Variants in ZBTB16 observed in about 807,000 individuals in gnomAD.
ZBTB16 encodes the protein zinc finger and BTB domain containing 16, also known as zinc finger and BTB domain-containing protein 16.
Under a neutral mutation model 56.8 loss-of-function variants are expected in ZBTB16, and 8 were observed. That is an observed-to-expected ratio of 0.14 (90% confidence interval 0.08 to 0.25). The LOEUF (loss-of-function observed/expected upper bound fraction) is 0.25, where lower values mean the gene tolerates loss of function less well. Ranked by LOEUF, ZBTB16 falls within the 10% of genes least tolerant of loss-of-function variation. ZBTB16 has a pLI of 1.00. For synonymous variants in ZBTB16, 363 were observed against 368.5 expected (o/e 0.98, Z 0.17); for missense variants, 625 against 903.0 (o/e 0.69, Z 3.95).
chr11:114,088,529 A>G (rs1940052678), intron 2 of ZBTB16, among the ~76,000 whole-genome samples: 1 of 152,104 alleles, frequency 6.6e-6, no homozygotes, highest in South Asian at 2.1e-4. Context: ...CTATTCAGTT[A>G]TACAGCCCCG....
At chr11:114,111,860 T>C (rs139315683) in intron 2 of ZBTB16, among the ~76,000 whole-genome samples, 68 of 152,348 alleles carry the variant, frequency 4.5e-4, no homozygotes, top group African/African-American at 1.6e-3. Context: ...TTATTTATCT[T>C]GAATGTTTTT....
At chr11:114,093,337 T>G (rs1239255468) in intron 2 of ZBTB16, among the ~76,000 whole-genome samples, 1 of 151,104 alleles carries the variant, frequency 6.6e-6, no homozygotes, top group Non-Finnish European at 1.5e-5. Flanking sequence ...GCTGGGGGTG[T>G]GGAGGGGGGA....
chr11:114,136,593 T>C (rs1348453644), intron 2 of ZBTB16, among the ~76,000 whole-genome samples: 1 of 152,120 alleles, frequency 6.6e-6, no homozygotes, highest in Non-Finnish European at 1.5e-5. Context: ...TATTATCAGT[T>C]TGAGGGCTGT....
chr11:114,133,087 T>C (rs145836731), intron 2 of ZBTB16, among the ~76,000 whole-genome samples: 99 of 152,330 alleles, frequency 6.5e-4, no homozygotes, highest in African/African-American at 2.2e-3. Flanking sequence ...CTACTCACAG[T>C]GCTGGTAACC....
intron 2 of ZBTB16, among the ~76,000 whole-genome samples, chr11:114,146,654 T>C (rs968044278): frequency 6.6e-6 from 1 of 151,934 alleles, no homozygotes; most frequent in African/African-American, 2.4e-5. Flanking sequence ...GGAGACAGCC[T>C]GGCCAATGCG....
At chr11:114,090,611 T>A (rs868607143) in intron 2 of ZBTB16, among the ~76,000 whole-genome samples, 2 of 152,218 alleles carry the variant, frequency 1.3e-5, no homozygotes, top group African/African-American at 4.8e-5. Flanking sequence ...TGTGTGGCTT[T>A]GATTCTCAGC....
intron 2 of ZBTB16, among the ~76,000 whole-genome samples, chr11:114,111,716 A>G (rs1941010643): frequency 6.6e-6 from 1 of 152,172 alleles, no homozygotes; most frequent in Non-Finnish European, 1.5e-5. Flanking sequence ...CTCTGTTTTG[A>G]CAAAGCTTCA....
At chr11:114,246,974 C>A (rs2135210278) in intron 5 of ZBTB16, 1 of 614,122 alleles carries the variant, frequency 1.6e-6, no homozygotes, top group Middle Eastern at 4.4e-4. Context: ...CAGGACTGGC[C>A]CTTGCCCCAC....
intron 2 of ZBTB16, among the ~76,000 whole-genome samples, chr11:114,071,711 G>T (rs982189717): frequency 2.6e-5 from 4 of 152,110 alleles, no homozygotes; most frequent in Non-Finnish European, 5.9e-5. Context: ...CCATTGGAGG[G>T]TTTCTGAATT....
chr11:114,210,199 G>GCGCA (rs1248364602), intron 4 of ZBTB16, among the ~76,000 whole-genome samples: 40 of 151,116 alleles, frequency 2.6e-4, no homozygotes, highest in Non-Finnish European at 4.6e-4. Flanking sequence ...GTGTGCGTGC[G>GCGCA]CGCGCGTGCA....
intron 2 of ZBTB16, among the ~76,000 whole-genome samples, chr11:114,153,576 A>G (rs1337785204): frequency 6.6e-6 from 1 of 152,204 alleles, no homozygotes; most frequent in Non-Finnish European, 1.5e-5. Flanking sequence ...GCAAGTGAGT[A>G]AAGGAGGAAA....
chr11:114,222,427 A>C (rs768194337), intron 4 of ZBTB16, among the ~76,000 whole-genome samples: 6 of 152,162 alleles, frequency 3.9e-5, no homozygotes, highest in Non-Finnish European at 7.3e-5. Flanking sequence ...GAGAGGGGGA[A>C]TCAGGAAGTG....
intron 4 of ZBTB16, among the ~76,000 whole-genome samples, chr11:114,199,792 T>G (rs1943693006): frequency 6.6e-6 from 1 of 152,210 alleles, no homozygotes; most frequent in South Asian, 2.1e-4. Flanking sequence ...ATTTGTAAAC[T>G]ACGATTAATA....
chr11:114,092,555 C>T (rs1940231826), intron 2 of ZBTB16, among the ~76,000 whole-genome samples: 1 of 152,220 alleles, frequency 6.6e-6, no homozygotes, highest in Non-Finnish European at 1.5e-5. Context: ...CCTTTTCTCT[C>T]CAAAGAGAAG....
rs763820946 is a variant in ZBTB16, at chr11:114,064,855, C to T, written c.1268+287C>T. ...GCTTTTGGGCCCCTGTTTGTTTTTTCGGCTGTTTGGTCTGTTCTCCTTTGC... is the reference window on the plus strand; with the variant it reads ...GCTTTTGGGCCCCTGTTTGTTTTTTTGGCTGTTTGGTCTGTTCTCCTTTGC... On this transcript the variant is annotated intron_variant, in intron 2 of 6. Transcript: ENST00000335953. This position sits in a 1 kb window ranked among gnomAD's most constrained non-coding sequence, Gnocchi z 4.2. Among the ~76,000 whole-genome samples, 16 of 152,140 alleles carry T rather than the reference C, an allele frequency of 1.1e-4. No individual in the cohort carries two copies. Among genetic ancestry groups the T allele is most frequent in the Admixed American group, 5.2e-4 (8 of 15,276 alleles).
intron 2 of ZBTB16, among the ~76,000 whole-genome samples, chr11:114,141,850 G>A (rs1325066908): frequency 1.3e-5 from 2 of 152,224 alleles, no homozygotes; most frequent in East Asian, 1.9e-4. Flanking sequence ...CCTGAGGATC[G>A]AATGAGATAA....
chr11:114,155,512 C>T (rs182036450), intron 2 of ZBTB16, among the ~76,000 whole-genome samples: 200 of 152,264 alleles, frequency 1.3e-3, no homozygotes, highest in Non-Finnish European at 2.5e-3. Flanking sequence ...GGGCCTGTGA[C>T]CGGTTGTTAC....
chr11:114,110,191 C>G (rs1016763345), intron 2 of ZBTB16, among the ~76,000 whole-genome samples: 2 of 152,068 alleles, frequency 1.3e-5, no homozygotes, highest in African/African-American at 4.8e-5. Flanking sequence ...TGCCCCCACC[C>G]CCTTTTCCTA....
At chr11:114,240,874 G>T (rs1253900026) in intron 4 of ZBTB16, among the ~76,000 whole-genome samples, 1 of 152,178 alleles carries the variant, frequency 6.6e-6, no homozygotes, top group Non-Finnish European at 1.5e-5. Flanking sequence ...TTGCCCATCG[G>T]GTTTAGGATG....
Sources: allele counts gnomAD v4.1 joint callset (sites outside exome capture counted in the v4.1 genomes callset), GRCh38; gene constraint gnomAD v4.1.1; non-coding constraint Gnocchi (gnomAD v3.1); transcripts MANE v1.5; gene names NCBI Gene and HGNC (gene_info 2026-07-23, HGNC 2026-07-21).